Variants in ITGBL1 observed in about 807,000 individuals in gnomAD.
The protein encoded by ITGBL1 is integrin subunit beta like 1.
In ITGBL1, 51 loss-of-function variants were observed where a neutral mutation model predicts 68.5. That is an observed-to-expected ratio of 0.74 (90% CI 0.59 to 0.94). ITGBL1 has a LOEUF of 0.94. Among genes scored for constraint, ITGBL1 ranks in the 40% least tolerant of loss-of-function variants. ITGBL1 has a pLI of 0.00. For synonymous variants in ITGBL1, 209 were observed against 227.3 expected, an observed-to-expected ratio of 0.92 and a Z score of 0.72; for missense variants, 649 against 647.4, an observed-to-expected ratio of 1.00 and a Z score of -0.03.
intron 2 of ITGBL1, among the ~76,000 whole-genome samples, chr13:101,507,036 G>A (rs554984594): frequency 4.9e-4 from 74 of 152,302 alleles, no homozygotes; most frequent in Non-Finnish European, 5.4e-4. Context: ...AAACCTGGTT[G>A]CTGAGGTGAA....
intron 7 of ITGBL1, among the ~76,000 whole-genome samples, chr13:101,624,298 G>T (rs543125070): frequency 6.6e-6 from 1 of 152,254 alleles, no homozygotes; most frequent in African/African-American, 2.4e-5. Context: ...AGCAAACACC[G>T]TTACTTCCTG....
At chr13:101,541,909 T>A (rs544938964) in intron 2 of ITGBL1, among the ~76,000 whole-genome samples, 3 of 152,330 alleles carry the variant, frequency 2.0e-5, no homozygotes, top group African/African-American at 7.2e-5. Flanking sequence ...ATATCCCCTT[T>A]ATCATTTTTT....
intron 7 of ITGBL1, among the ~76,000 whole-genome samples, chr13:101,689,211 T>TAAAAAAAAAAAAAAGAAAAAAAAA (rs2033825175): frequency 1.3e-5 from 1 of 74,868 alleles, no homozygotes; most frequent in African/African-American, 4.7e-5. Context: ...AGACTCTGCC[T>TAAAAAAAAAAAAAAGAAAAAAAAA]AAAAAAAAAA....
chr13:101,650,006 A>G (rs2139449837), intron 7 of ITGBL1, among the ~76,000 whole-genome samples: 1 of 152,310 alleles, frequency 6.6e-6, no homozygotes, highest in South Asian at 2.1e-4. Flanking sequence ...AATAAAGTGT[A>G]AGACACCTGA....
At chr13:101,700,400 C>T (rs1470707247) in intron 8 of ITGBL1, among the ~76,000 whole-genome samples, 2 of 152,198 alleles carry the variant, frequency 1.3e-5, no homozygotes, top group East Asian at 3.9e-4. Context: ...CCATGTACTT[C>T]TCTGTGTTTC....
intron 2 of ITGBL1, among the ~76,000 whole-genome samples, chr13:101,499,231 T>C (rs2048903549): frequency 6.6e-6 from 1 of 152,222 alleles, no homozygotes; most frequent in African/African-American, 2.4e-5. Flanking sequence ...TTCAGACTCC[T>C]GCATTTGCCA....
rs2050284090 is a variant in ITGBL1, at chr13:101,572,171, C to T, written c.464-3253C>T. ...CTTTCTTTTAATACCCACTTCCACC[C>T]TCCGAGTTCAGGACCATTTCCCCCA... On this transcript the variant is annotated intron_variant, in intron 3 of 10. Coordinates refer to ENST00000376180, the MANE Select transcript of ITGBL1 (RefSeq NM_004791.3). Among the ~76,000 whole-genome samples, 5 of 152,164 alleles carry T rather than the reference C, an allele frequency of 3.3e-5. No individual in the cohort carries two copies. In the South Asian group the frequency reaches 1.0e-3, roughly 31 times the overall value.
intron 2 of ITGBL1, among the ~76,000 whole-genome samples, chr13:101,535,720 G>T (rs1043815150): frequency 1.3e-5 from 2 of 151,982 alleles, no homozygotes; most frequent in African/African-American, 4.8e-5. Flanking sequence ...CAACTTGTTC[G>T]GAGATGTTCT....
intron 3 of ITGBL1, among the ~76,000 whole-genome samples, chr13:101,571,123 T>A (rs1206432994): frequency 6.6e-6 from 1 of 152,164 alleles, no homozygotes; most frequent in Non-Finnish European, 1.5e-5. Flanking sequence ...CTTCTTGTTT[T>A]CTCCATTCCA....
At chr13:101,590,411 G>A (rs1456695484) in intron 6 of ITGBL1, among the ~76,000 whole-genome samples, 4 of 152,074 alleles carry the variant, frequency 2.6e-5, no homozygotes, top group African/African-American at 9.7e-5. Flanking sequence ...TCCCCAGGGA[G>A]GGAATCCTCC....
At chr13:101,455,830 C>G (rs1253015162) in intron 2 of ITGBL1, among the ~76,000 whole-genome samples, 1 of 152,130 alleles carries the variant, frequency 6.6e-6, no homozygotes, top group African/African-American at 2.4e-5. Flanking sequence ...CTTCTCTGAC[C>G]TATGGCCTCT....
chr13:101,668,018 C>G (rs979215667), intron 7 of ITGBL1, among the ~76,000 whole-genome samples: 3 of 151,978 alleles, frequency 2.0e-5, no homozygotes, highest in African/African-American at 4.8e-5. Context: ...TGTTAGCTTA[C>G]ATTTTGTTGC....
intron 2 of ITGBL1, among the ~76,000 whole-genome samples, chr13:101,554,249 C>T (rs1369950055): frequency 2.0e-5 from 3 of 152,160 alleles, no homozygotes; most frequent in African/African-American, 4.8e-5. Flanking sequence ...ACAACTTAGC[C>T]CATAACAGCT....
intron 7 of ITGBL1, among the ~76,000 whole-genome samples, chr13:101,621,835 A>G (rs2031596544): frequency 6.6e-6 from 1 of 152,162 alleles, no homozygotes; most frequent in African/African-American, 2.4e-5. Flanking sequence ...AATTGAAATA[A>G]GGAAATGGAA....
chr13:101,649,936 AT>A (rs960630562), intron 7 of ITGBL1, among the ~76,000 whole-genome samples: 11 of 152,142 alleles, frequency 7.2e-5, no homozygotes, highest in Admixed American at 5.2e-4. Context: ...ATCTAGTTAC[AT>A]TTCCCACATT....
chr13:101,550,090 A>C (rs139035221), intron 2 of ITGBL1, among the ~76,000 whole-genome samples: 134 of 152,276 alleles, frequency 8.8e-4, no homozygotes, highest in African/African-American at 3.1e-3. Flanking sequence ...ATTCAAAAGA[A>C]TAAGTCTTTT....
At chr13:101,610,564 G>T (rs1297860296) in intron 7 of ITGBL1, among the ~76,000 whole-genome samples, 1 of 152,132 alleles carries the variant, frequency 6.6e-6, no homozygotes, top group Non-Finnish European at 1.5e-5. Flanking sequence ...TCTGGGCTAA[G>T]CTAGTGGTCA....
chr13:101,687,364 C>T (rs2033778707), intron 7 of ITGBL1, among the ~76,000 whole-genome samples: 1 of 151,892 alleles, frequency 6.6e-6, no homozygotes, highest in Non-Finnish European at 1.5e-5. Context: ...AAAATAGACA[C>T]TTTATCTGAA....
intron 2 of ITGBL1, among the ~76,000 whole-genome samples, chr13:101,460,802 G>A (rs74867616): frequency 0.07 from 4,277 of 61,182 alleles, 78 homozygotes; most frequent in Non-Finnish European, 0.095. Flanking sequence ...AGAGGGAGGG[G>A]TACCACATTC....
Sources: allele counts gnomAD v4.1 joint callset (sites outside exome capture counted in the v4.1 genomes callset), GRCh38; gene constraint gnomAD v4.1.1; transcripts MANE v1.5; gene names NCBI Gene and HGNC (gene_info 2026-07-23, HGNC 2026-07-21).